TRPC4: variants seen among roughly 807,000 people sequenced by gnomAD.
TRPC4 encodes short transient receptor potential channel 4.
TRPC4 carries 49 observed loss-of-function variants against 99.4 expected under a neutral mutation model. That is an observed-to-expected ratio of 0.49 (90% CI 0.39 to 0.63). The LOEUF (loss-of-function observed/expected upper bound fraction) is 0.63. TRPC4 is among the 20% of genes least tolerant of loss of function. The pLI, the probability that TRPC4 is intolerant of heterozygous loss-of-function variation, is 0.00. For missense variants in TRPC4, 898 were observed against 1,152.9 expected, an observed-to-expected ratio of 0.78 and a Z score of 3.20; for synonymous variants, 454 against 425.9, an observed-to-expected ratio of 1.07 and a Z score of -0.81.
chr13:37,850,984 T>TA lies in TRPC4; in HGVS notation c.-28+18610dup, dbSNP rs1431164694. Among the ~76,000 whole-genome samples, 32 of 152,330 alleles carry TA rather than the reference T, an allele frequency of 2.1e-4. 1 individual carries two copies. The highest frequency in any genetic ancestry group is 1.0e-3 in the South Asian group (5 of 4,830). ...ATCTTATTGTTTGCAGAGAGAGAAG[T>TA]AAAATGCTTATCAGAAAGCTGCTGA... On this transcript the variant is annotated intron_variant, in intron 1 of 10. Transcript: ENST00000379705.
At chr13:37,831,090 A>C (rs895654443) in intron 1 of TRPC4, among the ~76,000 whole-genome samples, 1 of 151,292 alleles carries the variant, frequency 6.6e-6, no homozygotes. Context: ...TTTGCTGTAC[A>C]GAAGAATTTT....
chr13:37,836,029 T>C (rs1174965141), intron 1 of TRPC4, among the ~76,000 whole-genome samples: 3 of 151,430 alleles, frequency 2.0e-5, no homozygotes, highest in Non-Finnish European at 1.5e-5. Context: ...GCTGTTCTCA[T>C]GATAGTGAAT....
At chr13:37,823,602 G>C (rs1222436652) in intron 1 of TRPC4, among the ~76,000 whole-genome samples, 1 of 151,574 alleles carries the variant, frequency 6.6e-6, no homozygotes. Flanking sequence ...CGTTATTTCT[G>C]AGGGCTCTGT....
chr13:37,861,275 A>T (rs1247137212), intron 1 of TRPC4, among the ~76,000 whole-genome samples: 2 of 151,548 alleles, frequency 1.3e-5, no homozygotes, highest in East Asian at 1.9e-4. Flanking sequence ...TTTTTAAAAA[A>T]ATCAGAGGCT....
intron 8 of TRPC4, among the ~76,000 whole-genome samples, chr13:37,648,476 T>C (rs1166725568): frequency 6.6e-6 from 1 of 152,020 alleles, no homozygotes; most frequent in East Asian, 1.9e-4. Flanking sequence ...ACTCAGAATA[T>C]TTTTTAGTTT....
Position 37,645,500 on chromosome 13 carries a change from T to C in TRPC4, c.2079+5765A>G, listed in dbSNP as rs376838035. Among the ~76,000 whole-genome samples, 4 of 152,192 alleles carry C rather than the reference T, an allele frequency of 2.6e-5. No individual in the cohort carries two copies. In the East Asian group the frequency reaches 7.7e-4, roughly 29 times the overall value. On this transcript the variant is annotated intron_variant, in intron 8 of 10. Coordinates refer to ENST00000379705, the MANE Select transcript of TRPC4 (RefSeq NM_016179.4). ...ATGCCGTTTTCTCTCATTTCCACTC[T>C]GGTTTTGGTCTAGCAGTGAATTTTA... is the stretch of plus-strand genomic sequence containing the variant.
chr13:37,779,917 C>T (rs752957913), intron 2 of TRPC4, among the ~76,000 whole-genome samples: 2 of 152,054 alleles, frequency 1.3e-5, no homozygotes, highest in African/African-American at 2.4e-5. Context: ...TTTGTGTTTG[C>T]CAAATCCAGA....
chr13:37,846,007 AG>A (rs1180352563), intron 1 of TRPC4, among the ~76,000 whole-genome samples: 1 of 152,206 alleles, frequency 6.6e-6, no homozygotes, highest in Non-Finnish European at 1.5e-5. Context: ...GCCAGAAGAG[AG>A]GCAAATTCTA....
At chr13:37,733,264 C>T (rs1168475731) in intron 3 of TRPC4, among the ~76,000 whole-genome samples, 1 of 152,070 alleles carries the variant, frequency 6.6e-6, no homozygotes, top group Non-Finnish European at 1.5e-5. Flanking sequence ...CAGAGTGAGA[C>T]CCAGTCCCAA....
At chr13:37,667,473 AT>A (rs994576516) in intron 5 of TRPC4, among the ~76,000 whole-genome samples, 4 of 151,886 alleles carry the variant, frequency 2.6e-5, no homozygotes, top group African/African-American at 9.7e-5. Flanking sequence ...TGCCCAGCTA[AT>A]TTTTACATTT....
At position 37,651,513 on chromosome 13, in the gene TRPC4, A is replaced by G. The variant is rs1235596731; in HGVS notation, c.1885-54T>C. On this transcript the variant is annotated intron_variant, in intron 7 of 10. Coordinates refer to ENST00000379705, the MANE Select transcript of TRPC4 (RefSeq NM_016179.4). The stretch of plus-strand genomic sequence containing the variant: ...TAGGTTCCTTAATTAACAAGGTACC[A>G]TAAATCTCACAGAGATCCTGTAACC... The G allele has an allele frequency of 2.6e-6, 4 of 1,513,960 alleles. 1 individual carries two copies. Among genetic ancestry groups the G allele is most frequent in the South Asian group, 2.3e-5 (2 of 88,388 alleles). 93.8% of individuals were successfully genotyped at this position (1,513,960 alleles called of 1,614,324 possible). A position where few individuals can be genotyped will look rare whatever the true frequency, so the allele number is the denominator to read the frequency against.
At chr13:37,683,095 T>A (rs1953308296) in intron 4 of TRPC4, among the ~76,000 whole-genome samples, 1 of 151,972 alleles carries the variant, frequency 6.6e-6, no homozygotes, top group Admixed American at 6.6e-5. Context: ...TAAAAGGGAA[T>A]ACCAGAAGGA....
chr13:37,714,610 C>G (rs1394214111), intron 3 of TRPC4, among the ~76,000 whole-genome samples: 4 of 152,194 alleles, frequency 2.6e-5, no homozygotes, highest in Non-Finnish European at 5.9e-5. Context: ...AATCTCACCT[C>G]TGCCTACTAC....
At chr13:37,810,555 T>G (rs181291661) in intron 1 of TRPC4, among the ~76,000 whole-genome samples, 1 of 152,228 alleles carries the variant, frequency 6.6e-6, no homozygotes, top group East Asian at 1.9e-4. Context: ...AAGAGTTCAC[T>G]CTTGTTAAAC....
intron 1 of TRPC4, among the ~76,000 whole-genome samples, chr13:37,792,295 G>A (rs949803384): frequency 6.6e-6 from 1 of 152,004 alleles, no homozygotes; most frequent in Admixed American, 6.6e-5. Context: ...GTTTTTACTA[G>A]TGCTCTGATT....
At chr13:37,827,626 C>T (rs576316370) in intron 1 of TRPC4, among the ~76,000 whole-genome samples, 3 of 152,148 alleles carry the variant, frequency 2.0e-5, no homozygotes, top group African/African-American at 7.2e-5. Flanking sequence ...GCAGTCTGCC[C>T]ATTCTCAGAT....
chr13:37,821,913 G>A (rs987399601), intron 1 of TRPC4, among the ~76,000 whole-genome samples: 3 of 151,896 alleles, frequency 2.0e-5, no homozygotes, highest in East Asian at 3.9e-4. Flanking sequence ...CAAAGATTTC[G>A]TGATGAAGAT....
intron 1 of TRPC4, among the ~76,000 whole-genome samples, chr13:37,796,086 C>A (rs1436927013): frequency 6.6e-6 from 1 of 152,096 alleles, no homozygotes; most frequent in East Asian, 1.9e-4. Flanking sequence ...CAGGCAGGAG[C>A]AAGAGTTCTA....
chr13:37,742,787 A>C (rs1955630476), intron 3 of TRPC4, among the ~76,000 whole-genome samples: 1 of 152,200 alleles, frequency 6.6e-6, no homozygotes, highest in Admixed American at 6.5e-5. Flanking sequence ...AATTTTCTTT[A>C]AGGCACATGA....
Sources: allele counts gnomAD v4.1 joint callset (sites outside exome capture counted in the v4.1 genomes callset), GRCh38; gene constraint gnomAD v4.1.1; transcripts MANE v1.5; gene names NCBI Gene and HGNC (gene_info 2026-07-23, HGNC 2026-07-21).